The following AGPS variants were observed in gnomAD, a reference collection of about 807,000 sequenced individuals.
AGPS encodes the protein alkyldihydroxyacetonephosphate synthase, peroxisomal.
Under a neutral mutation model 90.7 loss-of-function variants are expected in AGPS, and 26 were observed. That is an observed-to-expected ratio of 0.29 (90% CI 0.21 to 0.40). AGPS has a LOEUF of 0.40. Among genes scored for constraint, AGPS ranks in the 10% least tolerant of loss-of-function variants. AGPS has a pLI of 1.00. For synonymous variants in AGPS, 294 were observed against 285.3 expected, an observed-to-expected ratio of 1.03 and a Z score of -0.31; for missense variants, 540 against 816.1, an observed-to-expected ratio of 0.66 and a Z score of 4.12.
chr2:177,414,859 A>G (rs1014512135), intron 1 of AGPS, among the ~76,000 whole-genome samples: 1 of 150,186 alleles, frequency 6.7e-6, no homozygotes, highest in African/African-American at 2.5e-5. Flanking sequence ...TCTGATTACT[A>G]ATTTCATCTG....
intron 17 of AGPS, among the ~76,000 whole-genome samples, chr2:177,520,786 T>C (rs112482859): frequency 3.3e-4 from 51 of 152,348 alleles, no homozygotes; most frequent in Non-Finnish European, 6.5e-4. Context: ...TTAAATGTCA[T>C]TTTGATTATG....
rs774557457 is a variant in AGPS, at chr2:177,513,875, A to G, written c.1664A>G (p.Lys555Arg). The G allele has an allele frequency of 6.2e-6, 10 of 1,613,638 alleles. No homozygotes were observed. The highest frequency in any genetic ancestry group is 7.6e-6 in the Non-Finnish European group (9 of 1,179,716). The change falls in exon 17 of 20, where the codon AAG becomes AGG. Residue 555 changes from lysine to arginine, a missense_variant. This residue lies in a region of AGPS where 405 missense variants were observed against 692.1 expected (regional missense o/e 0.59). Transcript: ENST00000264167. ...AGAATAACAAGGGAATGCAAAGAGA[A>G]GGGTGTTCAGTTTGCTCCTTTTTCT... The part of the protein sequence containing the change: ...KERITRECKE[K>R]GVQFAPFSTC...
intron 1 of AGPS, among the ~76,000 whole-genome samples, chr2:177,412,797 C>G (rs1407429045): frequency 1.3e-5 from 2 of 152,098 alleles, no homozygotes; most frequent in African/African-American, 4.8e-5. Context: ...AGTGTTATAG[C>G]TCTATTAGAA....
At chr2:177,436,687 A>G (rs989233747) in intron 3 of AGPS, 77 bp from the exon 4 acceptor site, 5 of 1,406,226 alleles carry the variant, frequency 3.6e-6, no homozygotes, top group South Asian at 1.2e-5. Context: ...TCTACATTTT[A>G]TAGTCATTCT....
Position 177,392,778 on chromosome 2 carries a change from A to G in AGPS, c.-12A>G, listed in dbSNP as rs1168297382. 8.8e-6 allele frequency: 13 copies of G among 1,470,306 alleles called. No homozygotes were observed. The highest frequency in any genetic ancestry group is 1.2e-5 in the Non-Finnish European group (13 of 1,125,310). 91.1% of individuals were successfully genotyped at this position (1,470,306 alleles called of 1,614,324 possible). A position where few individuals can be genotyped will look rare whatever the true frequency, so the allele number is the denominator to read the frequency against. On this transcript the variant is annotated 5_prime_UTR_variant, in exon 1 of 20. Transcript: ENST00000264167. The stretch of plus-strand genomic sequence containing the variant: ...GCCCAGCGGTTCCGGGCGGCAGCAC[A>G]AGGCGGTAGCCATGGCGGAGGCGGC...
intron 3 of AGPS, among the ~76,000 whole-genome samples, chr2:177,435,644 C>G (rs1686383341): frequency 6.6e-6 from 1 of 152,092 alleles, no homozygotes; most frequent in Middle Eastern, 3.2e-3. Context: ...AGCAGCCACT[C>G]AGTAAGTATT....
At chr2:177,532,185 A>C (rs2079144216) in intron 19 of AGPS, among the ~76,000 whole-genome samples, 1 of 152,192 alleles carries the variant, frequency 6.6e-6, no homozygotes, top group Admixed American at 6.5e-5. Context: ...AAGATAGGTT[A>C]TAGAGTAGGA....
intron 1 of AGPS, among the ~76,000 whole-genome samples, chr2:177,410,492 G>A (rs1418102615): frequency 6.6e-6 from 1 of 152,152 alleles, no homozygotes; most frequent in East Asian, 1.9e-4. Flanking sequence ...CCTAATTCTA[G>A]TGTATAATGG....
At chr2:177,455,647 A>G (rs1687089920) in intron 8 of AGPS, among the ~76,000 whole-genome samples, 1 of 151,752 alleles carries the variant, frequency 6.6e-6, no homozygotes, top group African/African-American at 2.4e-5. Context: ...GGTAAATCCT[A>G]GCTCCTTTAA....
At chr2:177,420,245 T>A (rs572927349) in intron 1 of AGPS, 24 bp from the exon 2 acceptor site, 1 of 1,444,006 alleles carries the variant, frequency 6.9e-7, no homozygotes, top group African/African-American at 1.4e-5. Context: ...TTGGTCTCAC[T>A]TATATATATT....
At chr2:177,492,155 G>A (rs1052972247) in intron 11 of AGPS, among the ~76,000 whole-genome samples, 9 of 152,178 alleles carry the variant, frequency 5.9e-5, no homozygotes, top group Non-Finnish European at 8.8e-5. Context: ...ATTGATAAAG[G>A]TGCGGTAGAA....
intron 1 of AGPS, among the ~76,000 whole-genome samples, chr2:177,413,242 G>C (rs534175728): frequency 6.6e-6 from 1 of 152,340 alleles, no homozygotes; most frequent in South Asian, 2.1e-4. Flanking sequence ...GTCATGCCAA[G>C]GGTATTGTTG....
chr2:177,430,439 GT>G (rs1447963381), intron 2 of AGPS, among the ~76,000 whole-genome samples: 1 of 152,160 alleles, frequency 6.6e-6, no homozygotes, highest in African/African-American at 2.4e-5. Context: ...CTGAGTGACT[GT>G]TCTTTTGAGA....
At chr2:177,452,786 A>G (rs1043061547) in intron 8 of AGPS, among the ~76,000 whole-genome samples, 1 of 151,206 alleles carries the variant, frequency 6.6e-6, no homozygotes, top group Non-Finnish European at 1.5e-5. Flanking sequence ...TTTTTTTTTA[A>G]ATGATATGCT....
At chr2:177,516,644 T>C (rs1689029689) in intron 17 of AGPS, among the ~76,000 whole-genome samples, 1 of 152,196 alleles carries the variant, frequency 6.6e-6, no homozygotes, top group South Asian at 2.1e-4. Flanking sequence ...AATCTGTTCA[T>C]CTACTGAAAA....
intron 1 of AGPS, 23 bp from the exon 2 acceptor site, chr2:177,420,242 CACTT>C: frequency 1.4e-6 from 2 of 1,409,282 alleles, no homozygotes; most frequent in Non-Finnish European, 1.0e-6. Flanking sequence ...GCATTGGTCT[CACTT>C]ATATATATTT....
In AGPS at chr2:177,437,036, G is replaced by C; in HGVS notation, c.619G>C (p.Asp207His). 1 of 1,613,424 alleles carries C rather than the reference G, an allele frequency of 6.2e-7. No homozygotes were observed. Among genetic ancestry groups the C allele is most frequent in the Non-Finnish European group, 8.5e-7 (1 of 1,179,694 alleles). Residue 207 changes from aspartate to histidine, a missense_variant, in exon 5 of 20, where the codon GAT (aspartate) becomes CAT (histidine). By Grantham distance (81) the Asp-to-His change is moderately conservative. Coordinates refer to ENST00000264167, the MANE Select transcript of AGPS (RefSeq NM_003659.4). The stretch of plus-strand genomic sequence containing the variant: ...GGAAGGAATGTTTGAGCGAATTCCT[G>C]ATATAGTTTTATGGCCAAGTAAGTT... Reference protein sequence around the residue: ...LREGMFERIPDIVLWPTCHDD... With the variant: ...LREGMFERIPHIVLWPTCHDD...
At chr2:177,446,503 A>T (rs982929202) in intron 8 of AGPS, among the ~76,000 whole-genome samples, 8 of 152,096 alleles carry the variant, frequency 5.3e-5, no homozygotes, top group Non-Finnish European at 1.0e-4. Flanking sequence ...TGTGTATGGG[A>T]GAACATGTCT....
intron 8 of AGPS, among the ~76,000 whole-genome samples, chr2:177,454,828 C>G (rs1327079380): frequency 1.3e-5 from 2 of 152,060 alleles, no homozygotes; most frequent in Non-Finnish European, 2.9e-5. Context: ...TGTTGGATAT[C>G]CTACCTAATA....
Sources: allele counts gnomAD v4.1 joint callset (sites outside exome capture counted in the v4.1 genomes callset), GRCh38; gene constraint gnomAD v4.1.1; regional missense constraint gnomAD v4.1.1; transcripts MANE v1.5; gene names NCBI Gene and HGNC (gene_info 2026-07-23, HGNC 2026-07-21).